Variants in TERF2 observed in about 807,000 individuals in gnomAD.
The protein encoded by TERF2 is telomeric repeat-binding factor 2.
Under a neutral mutation model 56.1 loss-of-function variants are expected in TERF2, and 16 were observed. That is an observed-to-expected ratio of 0.29 (90% confidence interval 0.19 to 0.43). The LOEUF (loss-of-function observed/expected upper bound fraction) is 0.43, where lower values mean the gene tolerates loss of function less well. Among genes scored for constraint, TERF2 ranks in the 20% least tolerant of loss-of-function variants. TERF2 has a pLI of 1.00. For missense variants in TERF2, 547 were observed against 712.9 expected, an observed-to-expected ratio of 0.77 and a Z score of 2.65; for synonymous variants, 296 against 282.1, an observed-to-expected ratio of 1.05 and a Z score of -0.50.
At chr16:69,357,390 A>C in intron 9 of TERF2, 128 bp downstream of exon 9, 1 of 747,652 alleles carries the variant, frequency 1.3e-6, no homozygotes, top group Non-Finnish European at 2.2e-6. Context: ...CTTAGTTTGG[A>C]TTATCTGAAA....
chr16:69,368,426 A>T lies in TERF2; in HGVS notation c.897T>A (p.Asp299Glu), dbSNP rs75645974. 1 of 1,614,022 alleles carries T rather than the reference A, an allele frequency of 6.2e-7. No homozygotes were observed. The highest frequency in any genetic ancestry group is 2.2e-5 in the East Asian group (1 of 44,884). The change falls in exon 6 of 10, where the codon GAT becomes GAA. Residue 299 changes from aspartate (D) to glutamate (E), a missense_variant. Coordinates refer to ENST00000254942, the MANE Select transcript of TERF2 (RefSeq NM_005652.5). Reference sequence around the variant, plus strand: ...CCACAGGCCCTGGTGCTGGCTGTTTATCTTCCTTCCCTGTACTTGAGGCAG... The same window carrying T: ...CCACAGGCCCTGGTGCTGGCTGTTTTTCTTCCTTCCCTGTACTTGAGGCAG... ...ESAASSTGKEDKQPAPGPVEK... is the reference protein window; with the variant it reads ...ESAASSTGKEEKQPAPGPVEK...
At chr16:69,361,244 A>G (rs1465542645) in intron 8 of TERF2, 160 bp downstream of exon 8, 2 of 633,028 alleles carry the variant, frequency 3.2e-6, no homozygotes, top group Non-Finnish European at 5.6e-6. Flanking sequence ...AAAGGAAAAA[A>G]AAAAAAAAAC....
At chr16:69,362,333 A>C (rs527797719) in intron 7 of TERF2, among the ~76,000 whole-genome samples, 82 of 152,126 alleles carry the variant, frequency 5.4e-4, no homozygotes, top group African/African-American at 1.9e-3. Flanking sequence ...ACACACACAG[A>C]AAGCCTTTCT....
chr16:69,367,877 C>T (rs1196190390), intron 6 of TERF2, among the ~76,000 whole-genome samples: 3 of 152,172 alleles, frequency 2.0e-5, no homozygotes, highest in Non-Finnish European at 4.4e-5. Context: ...CCTGAGCATC[C>T]TTGGATACTC....
At chr16:69,375,230 C>T (rs2013735294) in intron 3 of TERF2, among the ~76,000 whole-genome samples, 1 of 152,176 alleles carries the variant, frequency 6.6e-6, no homozygotes, top group African/African-American at 2.4e-5. Context: ...CTCATTTACT[C>T]TAAGGTAAAA....
At chr16:69,374,706 G>T (rs371502366) in intron 3 of TERF2, among the ~76,000 whole-genome samples, 1 of 129,656 alleles carries the variant, frequency 7.7e-6, no homozygotes, top group Admixed American at 9.2e-5. Context: ...AGTGGCTCGC[G>T]CCTGTAATCC....
At chr16:69,359,526 T>C (rs2013047723) in intron 8 of TERF2, among the ~76,000 whole-genome samples, 2 of 107,756 alleles carry the variant, frequency 1.9e-5, no homozygotes, top group African/African-American at 7.1e-5. Flanking sequence ...AGACTCTGTC[T>C]CAAAAAAAAA....
chr16:69,356,706 A>G lies in TERF2; in HGVS notation c.*192T>C. Reference sequence around the variant, plus strand: ...TCCCAGCTACTCGGGAGGCTGAGGCAGGAGAATGGCGTGAGCCCGGGAGAC... The same window carrying G: ...TCCCAGCTACTCGGGAGGCTGAGGCGGGAGAATGGCGTGAGCCCGGGAGAC... On this transcript the variant is annotated 3_prime_UTR_variant, in exon 10 of 10. Transcript: ENST00000254942. 1.9e-6 allele frequency: 1 copy of G among 533,920 alleles called. No homozygotes were observed. Among genetic ancestry groups the G allele is most frequent in the South Asian group, 2.9e-5 (1 of 34,690 alleles). 33.1% of individuals were successfully genotyped at this position (533,920 alleles called of 1,614,324 possible).
intron 3 of TERF2, among the ~76,000 whole-genome samples, chr16:69,374,726 G>A (rs2013710583): frequency 1.4e-5 from 2 of 147,730 alleles, no homozygotes; most frequent in South Asian, 4.3e-4. Context: ...CCAGCACTTT[G>A]GGAGGCTGAG....
Position 69,385,649 on chromosome 16 carries a change from C to T in TERF2, c.323G>A (p.Arg108Gln), listed in dbSNP as rs772214740. 3.1e-6 allele frequency: 5 copies of T among 1,611,886 alleles called. 1 individual carries two copies. The Middle Eastern group carries it at 5.0e-4, about 160-fold the overall frequency. ...CCCGTACCGGCTACCCCGAAAGGCC[C>T]GCAGCGCCTCGTGGAAGTAGAACTT... is the stretch of plus-strand genomic sequence containing the variant. ...VLKFYFHEAL[R>Q]AFRGSRYGDF... The change falls in exon 1 of 10, where the codon CGG becomes CAG. Residue 108 changes from arginine to glutamine, a missense_variant. By Grantham distance (43) the Arg-to-Gln change is conservative (BLOSUM62 1). This residue lies in a region of TERF2 where 120 missense variants were observed against 172.4 expected (regional missense o/e 0.70). Transcript: ENST00000254942.
In TERF2 at chr16:69,385,736, C is replaced by A. The variant is rs2014177100; in HGVS notation, c.236G>T (p.Gly79Val). The change falls in exon 1 of 10, where the codon GGC becomes GTC. Residue 79 changes from glycine (G) to valine (V), a missense_variant. Gly to Val is a moderately radical substitution (Grantham distance 109). Around this residue, in one of 6 missense-constraint regions of TERF2, gnomAD observed 120 missense variants for 172.4 expected, o/e 0.70. Transcript: ENST00000254942. ...CTCCCCCGCGCCGCGCTCCGCCGGG[C>A]CCCCCAGCCCCGGCTCGTGGCGCCC... is the stretch of plus-strand genomic sequence containing the variant. ...RRGRHEPGLGGPAERGAGEAR... is the reference protein window; with the variant it reads ...RRGRHEPGLGVPAERGAGEAR... 5 of 1,509,624 alleles carry A rather than the reference C, an allele frequency of 3.3e-6. No individual in the cohort carries two copies. The African/African-American group carries it at 4.3e-5, about 13-fold the overall frequency. The allele number at this position is 1,509,624 out of a possible 1,614,324, so 93.5% of individuals were successfully genotyped here.
Position 69,372,312 on chromosome 16 carries a change from G to T in TERF2, c.650C>A (p.Ser217Ter). The T allele has an allele frequency of 6.2e-7, 1 of 1,610,998 alleles. No individual in the cohort carries two copies. Among genetic ancestry groups the T allele is most frequent in the South Asian group, 1.1e-5 (1 of 90,044 alleles). Residue 217 changes from serine (S) to a stop codon, truncating the protein, a stop_gained, in exon 4 of 10, where the codon TCA (serine) becomes TAA (stop). Coordinates refer to ENST00000254942, the MANE Select transcript of TERF2 (RefSeq NM_005652.5). LOFTEE classifies it high-confidence loss of function. ...GGACATATGTTTTTTCAAAATTTTT[G>T]AAGCCTTTTCAAATTCTTTGTTTTT... is the stretch of plus-strand genomic sequence containing the variant. ...CIKNKEFEKA[S>*]KILKKHMSKD... is the part of the protein sequence containing the mutation.
rs756826309 is a variant in TERF2, at chr16:69,385,584, G to A, written c.379+9C>T. 1.5e-6 allele frequency: 1 copy of A among 646,068 alleles called. No individual in the cohort carries two copies. Among genetic ancestry groups the A allele is most frequent in the Non-Finnish European group, 2.4e-6 (1 of 409,024 alleles). 40.0% of individuals were successfully genotyped at this position (646,068 alleles called of 1,614,324 possible). On this transcript the variant is annotated intron_variant, in intron 1 of 9. Transcript: ENST00000254942. ...CGCTCCAACCCCCCTCCCCCGGCCC[G>A]GCCCTCACCCTGCATGATGTCCCGG... is the stretch of plus-strand genomic sequence containing the variant.
intron 3 of TERF2, among the ~76,000 whole-genome samples, chr16:69,384,254 G>A (rs551189474): frequency 3.9e-4 from 59 of 152,268 alleles, no homozygotes; most frequent in African/African-American, 1.3e-3. Flanking sequence ...ATAAACAAGG[G>A]TGACCAAACC....
chr16:69,366,664 A>G, intron 7 of TERF2, 143 bp downstream of exon 7: 1 of 1,126,942 alleles, frequency 8.9e-7, no homozygotes, highest in East Asian at 2.6e-5. Context: ...GTCACTGGCC[A>G]CTCCTGCGTC....
rs1433393602 is a variant in TERF2, at chr16:69,385,803, C to A, written c.169G>T (p.Ala57Ser). The A allele has an allele frequency of 7.7e-7, 1 of 1,301,576 alleles. No homozygotes were observed. Among genetic ancestry groups the A allele is most frequent in the East Asian group, 3.2e-5 (1 of 30,846 alleles). 80.6% of individuals were successfully genotyped at this position (1,301,576 alleles called of 1,614,324 possible). A position where few individuals can be genotyped will look rare whatever the true frequency, so the allele number is the denominator to read the frequency against. The change falls in exon 1 of 10, where the codon GCT becomes TCT. Residue 57 changes from alanine to serine, a missense_variant. Ala to Ser is a moderately conservative substitution (Grantham distance 99). This residue lies in a region of TERF2 where 120 missense variants were observed against 172.4 expected (regional missense o/e 0.70). Transcript: ENST00000254942. ...CTACTGCGGGACGCCCGCCTGCCAGCTGCCCGCCCGCTGCCGTCGCTACTC... is the reference window on the plus strand; with the variant it reads ...CTACTGCGGGACGCCCGCCTGCCAGATGCCCGCCCGCTGCCGTCGCTACTC... ...GGSSDGSGRA[A>S]GRRASRSSGR...
rs137958843 is a variant in TERF2, at chr16:69,373,335, A to C, written c.607-980T>G. 4.9e-3 allele frequency among the ~76,000 whole-genome samples: 753 copies of C among 152,276 alleles called. 3 individuals are homozygous for C. Among genetic ancestry groups the C allele is most frequent in the African/African-American group, 0.018 (735 of 41,562 alleles). ...TAGAGTCCTTCCATAAAGAAACCTC[A>C]AGAGAATGAGGTTCTCTTGAGGAAA... On this transcript the variant is annotated intron_variant, in intron 3 of 9. Coordinates refer to ENST00000254942, the MANE Select transcript of TERF2 (RefSeq NM_005652.5).
chr16:69,377,701 T>G (rs2013845438), intron 3 of TERF2, among the ~76,000 whole-genome samples: 1 of 152,242 alleles, frequency 6.6e-6, no homozygotes, highest in South Asian at 2.1e-4. Flanking sequence ...CCATTGTAAA[T>G]GGCATTGTGT....
chr16:69,373,776 T>C (rs1010198945), intron 3 of TERF2, among the ~76,000 whole-genome samples: 2 of 152,150 alleles, frequency 1.3e-5, no homozygotes, highest in Non-Finnish European at 2.9e-5. Flanking sequence ...GGGGCTGCAG[T>C]GAGCAGTGAC....
Sources: gnomAD v4.1 joint callset for allele counts (sites outside exome capture counted in the v4.1 genomes callset) on GRCh38, gnomAD v4.1.1 for gene constraint, gnomAD v4.1.1 regional missense constraint, MANE v1.5 for transcripts, NCBI Gene and HGNC (gene_info 2026-07-23, HGNC 2026-07-21) for gene names.